Variants in CLIP4 observed in about 807,000 individuals in gnomAD.
The protein encoded by CLIP4 is CAP-Gly domain containing linker protein family member 4.
A neutral mutation model predicts 73.1 loss-of-function variants in CLIP4; 47 were observed. The observed-to-expected ratio is 0.64, with a 90% confidence interval of 0.51 to 0.82. CLIP4 has a LOEUF of 0.82. Among genes scored for constraint, CLIP4 ranks in the 40% least tolerant of loss-of-function variants. The probability of loss-of-function intolerance (pLI) is 0.00; values close to 1 mark genes in which losing one functional copy is unlikely to be tolerated. For missense variants in CLIP4, 874 were observed against 852.9 expected (o/e 1.02, Z -0.31); for synonymous variants, 306 against 295.4 (o/e 1.04, Z -0.37).
At chr2:29,131,150 G>C in intron 2 of CLIP4, 108 bp from the exon 3 acceptor site, 1 of 992,582 alleles carries the variant, frequency 1.0e-6, no homozygotes, top group Non-Finnish European at 1.4e-6. Context: ...TTTTTTTTTA[G>C]CATCTAAAAT....
At chr2:29,160,833 C>T (rs1029377235) in intron 12 of CLIP4, among the ~76,000 whole-genome samples, 2 of 152,014 alleles carry the variant, frequency 1.3e-5, no homozygotes, top group Non-Finnish European at 2.9e-5. Flanking sequence ...AATTGTATAC[C>T]TTTTTAAAAG....
At position 29,132,310 on chromosome 2, in the gene CLIP4, T is replaced by C; in HGVS notation, c.367+65T>C. 3.8e-6 allele frequency: 5 copies of C among 1,311,366 alleles called. No homozygotes were observed. The South Asian group carries it at 6.1e-5, about 16-fold the overall frequency. 81.2% of individuals were successfully genotyped at this position (1,311,366 alleles called of 1,614,324 possible). A position where few individuals can be genotyped will look rare whatever the true frequency, so the allele number is the denominator to read the frequency against. On this transcript the variant is annotated intron_variant, in intron 4 of 15. Coordinates refer to ENST00000320081, the MANE Select transcript of CLIP4 (RefSeq NM_024692.6). Reference sequence around the variant, plus strand: ...GCACTTGTGCTTAGATAATCTATATTTATGCCCATATATTGTCTGGGGGAA... The same window carrying C: ...GCACTTGTGCTTAGATAATCTATATCTATGCCCATATATTGTCTGGGGGAA...
chr2:29,121,325 G>C, intron 1 of CLIP4, 49 bp from the exon 2 acceptor site: 1 of 1,517,812 alleles, frequency 6.6e-7, no homozygotes, highest in Non-Finnish European at 8.8e-7. Flanking sequence ...GTCATTCTAA[G>C]TTGCATACAA....
intron 14 of CLIP4, among the ~76,000 whole-genome samples, chr2:29,168,761 A>T (rs1667801531): frequency 6.6e-6 from 1 of 151,722 alleles, no homozygotes; most frequent in Non-Finnish European, 1.5e-5. Flanking sequence ...TGACCTCATG[A>T]TCCGCCTGCC....
intron 1 of CLIP4, among the ~76,000 whole-genome samples, chr2:29,117,226 T>C (rs1663916767): frequency 1.3e-5 from 2 of 152,160 alleles, no homozygotes; most frequent in South Asian, 4.1e-4. Flanking sequence ...CATTACCCAA[T>C]ATGGTAGCAC....
At chr2:29,101,974 G>A (rs1273649116) in intron 1 of CLIP4, among the ~76,000 whole-genome samples, 3 of 152,148 alleles carry the variant, frequency 2.0e-5, no homozygotes, top group Non-Finnish European at 4.4e-5. Flanking sequence ...GCACATAGGA[G>A]GAAAGCAAAC....
chr2:29,101,300 C>CAAAAAAA (rs1174781959), intron 1 of CLIP4, among the ~76,000 whole-genome samples: 3 of 83,548 alleles, frequency 3.6e-5, no homozygotes, highest in African/African-American at 4.4e-5. Context: ...CCCCCCAAAA[C>CAAAAAAA]AAAAAAAAAA....
Position 29,133,833 on chromosome 2 carries a change from C to A in CLIP4, c.529+17C>A. The A allele has an allele frequency of 1.3e-6, 2 of 1,583,040 alleles. No homozygotes were observed. The highest frequency in any genetic ancestry group is 8.6e-7 in the Non-Finnish European group (1 of 1,164,514). On this transcript the variant is annotated intron_variant, in intron 5 of 15. Coordinates refer to ENST00000320081, the MANE Select transcript of CLIP4 (RefSeq NM_024692.6). ...AACCAAAAGGCAAGTATTATAAGAT[C>A]ACCTTTAGATATTATTAACTGAACA... is the stretch of plus-strand genomic sequence containing the variant.
chr2:29,160,034 C>T (rs189676800), intron 11 of CLIP4, among the ~76,000 whole-genome samples: 1 of 152,364 alleles, frequency 6.6e-6, no homozygotes, highest in East Asian at 1.9e-4. Context: ...AGAGATGCTG[C>T]AGGCAATCTT....
chr2:29,121,493 T>G lies in CLIP4; in HGVS notation c.105T>G (p.Ile35Met). Residue 35 changes from isoleucine to methionine, a missense_variant, in exon 2 of 16, where the codon ATT becomes ATG. Coordinates refer to ENST00000320081, the MANE Select transcript of CLIP4 (RefSeq NM_024692.6). Reference protein sequence around the residue: ...SASDTPVIFSISAAPMPSDCE... With the variant: ...SASDTPVIFSMSAAPMPSDCE... ...CTGATACCCCAGTTATCTTTTCCAT[T>G]TCTGCAGCACCAATGCCTTCAGACT... 1 of 1,613,802 alleles carries G rather than the reference T, an allele frequency of 6.2e-7. No homozygotes were observed.
intron 1 of CLIP4, among the ~76,000 whole-genome samples, chr2:29,109,368 A>AT (rs147274446): frequency 0.014 from 2,074 of 152,122 alleles, 43 homozygotes; most frequent in African/African-American, 0.046. Context: ...GAAGACTTCA[A>AT]TTTTTTTTAA....
chr2:29,133,785 A>ATT lies in CLIP4; in HGVS notation c.498_499insTT (p.Arg167LeufsTer3). On this transcript the variant is annotated frameshift_variant, in exon 5 of 16. Transcript: ENST00000320081. LOFTEE classifies it high-confidence loss of function. ...CTTATTTTGATGTCCCTGAACTTAT[A>ATT]AGAGTGATTTTGAAAACATCGAAAC... 1 of 1,608,422 alleles carries ATT rather than the reference A, an allele frequency of 6.2e-7. No homozygotes were observed. The highest frequency in any genetic ancestry group is 8.5e-7 in the Non-Finnish European group (1 of 1,178,524).
At chr2:29,119,626 G>T (rs1664120738) in intron 1 of CLIP4, among the ~76,000 whole-genome samples, 1 of 152,120 alleles carries the variant, frequency 6.6e-6, no homozygotes, top group African/African-American at 2.4e-5. Context: ...AAAGTAAGTG[G>T]TTTGGTCTTT....
intron 15 of CLIP4, 40 bp downstream of exon 15, chr2:29,174,485 G>T: frequency 1.3e-6 from 2 of 1,594,920 alleles, no homozygotes; most frequent in South Asian, 2.3e-5. Flanking sequence ...CTTTCAAGAT[G>T]AACATGATGG....
chr2:29,147,433 A>G (rs1162102106), intron 8 of CLIP4, among the ~76,000 whole-genome samples: 2 of 152,012 alleles, frequency 1.3e-5, no homozygotes, highest in Non-Finnish European at 2.9e-5. Flanking sequence ...TGTTTTTTGG[A>G]CATGTAGTTT....
At chr2:29,141,747 C>T (rs1363703667) in intron 6 of CLIP4, among the ~76,000 whole-genome samples, 1 of 151,620 alleles carries the variant, frequency 6.6e-6, no homozygotes, top group Non-Finnish European at 1.5e-5. Context: ...AAGGACAAGT[C>T]TTCTTTTTTT....
chr2:29,113,654 T>C (rs559417317), upstream of CLIP4, among the ~76,000 whole-genome samples: 31 of 152,352 alleles, frequency 2.0e-4, no homozygotes, highest in South Asian at 1.2e-3. This position sits in a 1 kb window ranked among gnomAD's most constrained non-coding sequence, Gnocchi z 4.0. Context: ...CCTGGCTGGT[T>C]CTAACAGAGA....
At position 29,145,262 on chromosome 2, in the gene CLIP4, G is replaced by C. The variant is rs1437667109; in HGVS notation, c.916G>C (p.Glu306Gln). Residue 306 changes from glutamate (E) to glutamine (Q), a missense_variant, in exon 8 of 16, where the codon GAA (glutamate) becomes CAA (glutamine). Transcript: ENST00000320081. ...TACATTAAGATTTTGTGGAACAACT[G>C]AATTTGCAAGTGGGCAGTGGGCTGG... Reference protein sequence around the residue: ...VGTLRFCGTTEFASGQWAGIE... With the variant: ...VGTLRFCGTTQFASGQWAGIE... The C allele has an allele frequency of 6.2e-7, 1 of 1,613,566 alleles. No individual in the cohort carries two copies. The highest frequency in any genetic ancestry group is 2.2e-5 in the East Asian group (1 of 44,852).
chr2:29,180,073 C>G (rs1252732122), intron 15 of CLIP4, among the ~76,000 whole-genome samples: 3 of 151,954 alleles, frequency 2.0e-5, no homozygotes, highest in Non-Finnish European at 4.4e-5. Context: ...TAAGTAAGAC[C>G]CAGATTCTGT....
Sources: gnomAD v4.1 joint callset for allele counts (sites outside exome capture counted in the v4.1 genomes callset) on GRCh38, gnomAD v4.1.1 for gene constraint, Gnocchi (gnomAD v3.1) non-coding constraint, MANE v1.5 for transcripts, NCBI Gene and HGNC (gene_info 2026-07-23, HGNC 2026-07-21) for gene names.